Variants in TUBA4A observed in about 807,000 individuals in gnomAD.
The protein encoded by TUBA4A is tubulin alpha 4a.
TUBA4A carries 23 observed loss-of-function variants against 34.3 expected under a neutral mutation model. The observed-to-expected ratio is 0.67, with a 90% CI of 0.48 to 0.95. TUBA4A has a LOEUF of 0.95. Among genes scored for constraint, TUBA4A ranks in the 40% least tolerant of loss-of-function variants. TUBA4A has a pLI of 0.00. For missense variants in TUBA4A, 279 were observed against 599.0 expected (o/e 0.47, Z 5.58); for synonymous variants, 216 against 230.5 (o/e 0.94, Z 0.57).
chr2:219,252,277 G>A lies in TUBA4A; in HGVS notation c.4-47C>T, dbSNP rs771821747. The A allele has an allele frequency of 1.3e-6, 2 of 1,549,144 alleles. No homozygotes were observed. Among genetic ancestry groups the A allele is most frequent in the East Asian group, 2.3e-5 (1 of 44,106 alleles). On this transcript the variant is annotated intron_variant, in intron 1 of 3. Transcript: ENST00000248437. This position sits in a 1 kb window ranked among gnomAD's most constrained non-coding sequence, Gnocchi z 4.1. ...CACAGCATGAGCCCCACATCCACAAGTCCTCACCTTGCGAGTCTCTCTTCC... is the reference window on the plus strand; with the variant it reads ...CACAGCATGAGCCCCACATCCACAAATCCTCACCTTGCGAGTCTCTCTTCC...
chr2:219,251,116 G>A lies in TUBA4A; in HGVS notation c.583C>T (p.Leu195=). The change falls in exon 4 of 4, where the codon CTG becomes TTG. Residue 195 remains leucine (L), a synonymous_variant. Coordinates refer to ENST00000248437, the MANE Select transcript of TUBA4A (RefSeq NM_006000.3). The surrounding 1 kb of genome is among the most constrained non-coding windows in gnomAD (Gnocchi z 6.1). ...ATGAAGGCACAGTCTGAGTGCTCCA[G>A]GGTGGTGTGGGTGGTCAGGATAGAG... ...YNSILTTHTT[L]EHSDCAFMVD... 1.2e-6 allele frequency: 2 copies of A among 1,614,238 alleles called. No homozygotes were observed. Among genetic ancestry groups the A allele is most frequent in the South Asian group, 2.2e-5 (2 of 91,088 alleles).
chr2:219,253,989 A>G (rs1951693952), upstream of TUBA4A: 1 of 1,021,996 alleles, frequency 9.8e-7, no homozygotes, highest in Non-Finnish European at 1.3e-6. Context: ...CTCGCCCACT[A>G]GAGGCTGGGC....
At chr2:219,253,218 G>T in intron 1 of TUBA4A, 1 of 1,491,290 alleles carries the variant, frequency 6.7e-7, no homozygotes. Context: ...CCTGGCCTCG[G>T]CCCGCGCAGT....
In TUBA4A at chr2:219,250,994, G is replaced by A; in HGVS notation, c.705C>T (p.Val235=). 3 of 1,614,202 alleles carry A rather than the reference G, an allele frequency of 1.9e-6. No individual in the cohort carries two copies. Among genetic ancestry groups the A allele is most frequent in the Non-Finnish European group, 2.5e-6 (3 of 1,180,046 alleles). The change falls in exon 4 of 4, where the codon GTC becomes GTT. Residue 235 remains valine (V), a synonymous_variant. Transcript: ENST00000248437. This position sits in a 1 kb window ranked among gnomAD's most constrained non-coding sequence, Gnocchi z 8.4. The stretch of plus-strand genomic sequence containing the variant: ...AGCGCAGAGAAGCTGTGATGGAGGA[G>A]ACAATTTGGCTAATGAGGCGATTGA... The part of the protein sequence containing the change: ...TNLNRLISQI[V]SSITASLRFD...
At position 219,251,939 on chromosome 2, in the gene TUBA4A, C is replaced by CCT; in HGVS notation, c.226+67_226+68dup. On this transcript the variant is annotated intron_variant, in intron 2 of 3. Coordinates refer to ENST00000248437, the MANE Select transcript of TUBA4A (RefSeq NM_006000.3). The surrounding 1 kb of genome is among the most constrained non-coding windows in gnomAD (Gnocchi z 6.1). Reference sequence around the variant, plus strand: ...GGCTAGGAATGCCTGGTCTAAATACCCTCTCTCTCCAGGGAGAAGCTTTGA... The same window carrying CCT: ...GGCTAGGAATGCCTGGTCTAAATACCCTCTCTCTCTCCAGGGAGAAGCTTTGA... The CCT allele has an allele frequency of 1.3e-6, 2 of 1,519,244 alleles. No individual in the cohort carries two copies. The highest frequency in any genetic ancestry group is 1.2e-5 in the South Asian group (1 of 86,758). 94.1% of individuals were successfully genotyped at this position (1,519,244 alleles called of 1,614,324 possible). A position where few individuals can be genotyped will look rare whatever the true frequency, so the allele number is the denominator to read the frequency against.
chr2:219,254,207 G>A, upstream of TUBA4A: 1 of 250,704 alleles, frequency 4.0e-6, no homozygotes, highest in Non-Finnish European at 7.6e-6. Flanking sequence ...TGCTGTGGCA[G>A]GGCGAGTCTC....
chr2:219,250,508 C>A lies in TUBA4A; in HGVS notation c.1191G>T (p.Leu397=), dbSNP rs549035311. The change falls in exon 4 of 4, where the codon CTG becomes CTT. Residue 397 remains leucine, a synonymous_variant. Coordinates refer to ENST00000248437, the MANE Select transcript of TUBA4A (RefSeq NM_006000.3). This position sits in a 1 kb window ranked among gnomAD's most constrained non-coding sequence, Gnocchi z 8.4. ...AWARLDHKFD[L]MYAKRAFVHW... Reference sequence around the variant, plus strand: ...GCACAAACGCCCTCTTGGCATACATCAGGTCGAACTTGTGGTCCAGGCGGG... The same window carrying A: ...GCACAAACGCCCTCTTGGCATACATAAGGTCGAACTTGTGGTCCAGGCGGG... The A allele has an allele frequency of 9.3e-6, 15 of 1,614,230 alleles. No individual in the cohort carries two copies. The African/African-American group carries it at 1.1e-4, about 11-fold the overall frequency.
Position 219,250,815 on chromosome 2 carries a change from C to T in TUBA4A, c.884G>A (p.Cys295Tyr). ...QLSVAEITNACFEPANQMVKC... is the reference protein window; with the variant it reads ...QLSVAEITNAYFEPANQMVKC... ...TACCATCTGGTTGGCAGGCTCAAAG[C>T]AGGCATTGGTGATCTCTGCCACCGA... The change falls in exon 4 of 4, where the codon TGC (cysteine) becomes TAC (tyrosine). Residue 295 changes from cysteine (C) to tyrosine (Y), a missense_variant. Cys to Tyr is a radical substitution (Grantham distance 194, BLOSUM62 -2). Transcript: ENST00000248437. This position sits in a 1 kb window ranked among gnomAD's most constrained non-coding sequence, Gnocchi z 8.4. The T allele has an allele frequency of 6.2e-7, 1 of 1,614,204 alleles. No individual in the cohort carries two copies.
chr2:219,252,254 C>G lies in TUBA4A; in HGVS notation c.4-24G>C. 1 of 1,596,384 alleles carries G rather than the reference C, an allele frequency of 6.3e-7. No homozygotes were observed. Among genetic ancestry groups the G allele is most frequent in the Non-Finnish European group, 8.6e-7 (1 of 1,165,044 alleles). Reference sequence around the variant, plus strand: ...CGCTGAGGGATAGAGAGAGGGGACACAGCATGAGCCCCACATCCACAAGTC... The same window carrying G: ...CGCTGAGGGATAGAGAGAGGGGACAGAGCATGAGCCCCACATCCACAAGTC... On this transcript the variant is annotated intron_variant, in intron 1 of 3. Transcript: ENST00000248437. This position sits in a 1 kb window ranked among gnomAD's most constrained non-coding sequence, Gnocchi z 4.1.
At chr2:219,254,034 G>C (rs549573840), upstream of TUBA4A, 2 of 570,458 alleles carry the variant, frequency 3.5e-6, no homozygotes, top group Non-Finnish European at 5.7e-6. Context: ...AGGGTAAGCG[G>C]CCCCCCCGAG....
intron 1 of TUBA4A, chr2:219,253,140 G>C (rs1311035709): frequency 1.3e-6 from 2 of 1,514,476 alleles, no homozygotes; most frequent in African/African-American, 2.8e-5. Flanking sequence ...AGCGGGGATT[G>C]GGTTTCGGCC....
upstream of TUBA4A, chr2:219,253,961 CG>C: frequency 1.8e-6 from 2 of 1,082,588 alleles, no homozygotes; most frequent in Non-Finnish European, 2.4e-6. Context: ...GGGGGGGGGG[CG>C]GGGCCCGCGT....
At chr2:219,253,835 C>T in intron 1 of TUBA4A, 21 bp downstream of exon 1, 1 of 1,517,598 alleles carries the variant, frequency 6.6e-7, no homozygotes, top group Non-Finnish European at 8.8e-7. Flanking sequence ...ACAGGCGCGA[C>T]CCCGGCCGGG....
chr2:219,251,754 C>G lies in TUBA4A; in HGVS notation c.227-41G>C, dbSNP rs771016886. 7 of 1,590,024 alleles carry G rather than the reference C, an allele frequency of 4.4e-6. No homozygotes were observed. The South Asian group carries it at 7.9e-5, about 18-fold the overall frequency. Reference sequence around the variant, plus strand: ...CCACAAAGCTATGCTCAGCAGGGACCTTCCTCCCCCAGGGTGGTAGCTGTG... The same window carrying G: ...CCACAAAGCTATGCTCAGCAGGGACGTTCCTCCCCCAGGGTGGTAGCTGTG... On this transcript the variant is annotated intron_variant, in intron 2 of 3. Transcript: ENST00000248437. This position sits in a 1 kb window ranked among gnomAD's most constrained non-coding sequence, Gnocchi z 6.1.
chr2:219,252,540 G>A lies in TUBA4A; in HGVS notation c.4-310C>T, dbSNP rs1050360032. ...TAGAGGTATGGGTTTACAGCTAGAG[G>A]CCCCCCCCCCACTTGATTAATTATT... On this transcript the variant is annotated intron_variant, in intron 1 of 3. Transcript: ENST00000248437. This position sits in a 1 kb window ranked among gnomAD's most constrained non-coding sequence, Gnocchi z 4.1. Among the ~76,000 whole-genome samples, 1 of 140,366 alleles carries A rather than the reference G, an allele frequency of 7.1e-6. No individual in the cohort carries two copies. Among genetic ancestry groups the A allele is most frequent in the African/African-American group, 2.8e-5 (1 of 35,418 alleles). The allele number at this position is 140,366 out of a possible 152,430, so 92.1% of individuals were successfully genotyped here.
rs774143305 is a variant in TUBA4A, at chr2:219,251,970, G to A, written c.226+38C>T. On this transcript the variant is annotated intron_variant, in intron 2 of 3. Coordinates refer to ENST00000248437, the MANE Select transcript of TUBA4A (RefSeq NM_006000.3). The surrounding 1 kb of genome is among the most constrained non-coding windows in gnomAD (Gnocchi z 6.1). Reference sequence around the variant, plus strand: ...TCTCCAGGGAGAAGCTTTGAGTCATGCTCCACCCCCTTCAATTTTGTCCCC... The same window carrying A: ...TCTCCAGGGAGAAGCTTTGAGTCATACTCCACCCCCTTCAATTTTGTCCCC... 1.3e-6 allele frequency: 2 copies of A among 1,592,238 alleles called. No individual in the cohort carries two copies. The highest frequency in any genetic ancestry group is 4.5e-5 in the East Asian group (2 of 44,764).
chr2:219,253,359 G>GGC (rs757244673), intron 1 of TUBA4A: 6 of 1,531,968 alleles, frequency 3.9e-6, no homozygotes, highest in South Asian at 1.2e-5. Flanking sequence ...AGTCACGGGG[G>GGC]GGGGGTGGTT....
chr2:219,253,111 C>A, intron 1 of TUBA4A: 2 of 1,468,136 alleles, frequency 1.4e-6, no homozygotes, highest in South Asian at 2.4e-5. Flanking sequence ...GGAGTCTTTA[C>A]AGTTATTTCC....
chr2:219,253,221 C>A (rs1213938514), intron 1 of TUBA4A: 2 of 1,492,494 alleles, frequency 1.3e-6, no homozygotes, highest in Non-Finnish European at 1.8e-6. Context: ...GGCCTCGGCC[C>A]GCGCAGTGCT....
Sources: gnomAD v4.1 joint callset for allele counts (sites outside exome capture counted in the v4.1 genomes callset) on GRCh38, gnomAD v4.1.1 for gene constraint, Gnocchi (gnomAD v3.1) non-coding constraint, MANE v1.5 for transcripts, NCBI Gene and HGNC (gene_info 2026-07-23, HGNC 2026-07-21) for gene names.